MAGI3: variants seen among roughly 807,000 people sequenced by gnomAD.
MAGI3 encodes membrane associated guanylate kinase, WW and PDZ domain containing 3.
MAGI3 carries 43 observed loss-of-function variants against 121.8 expected under a neutral mutation model. The ratio of observed to expected loss-of-function variants is 0.35; its 90% CI spans 0.28 to 0.46. The LOEUF is 0.46. Ranked by LOEUF, MAGI3 falls within the 20% of genes least tolerant of loss-of-function variation. The probability of loss-of-function intolerance (pLI) is 1.00; values close to 1 mark genes in which losing one functional copy is unlikely to be tolerated. For synonymous variants in MAGI3, 553 were observed against 639.3 expected, an observed-to-expected ratio of 0.86 and a Z score of 2.04; for missense variants, 1,547 against 1,797.3, an observed-to-expected ratio of 0.86 and a Z score of 2.52.
chr1:113,615,088 G>A (rs1365209157), intron 7 of MAGI3, among the ~76,000 whole-genome samples: 1 of 152,244 alleles, frequency 6.6e-6, no homozygotes, highest in Non-Finnish European at 1.5e-5. Context: ...ACACCTAAAG[G>A]TGTGCTCTCT....
At chr1:113,676,328 G>C (rs977098055) in intron 19 of MAGI3, among the ~76,000 whole-genome samples, 1 of 152,138 alleles carries the variant, frequency 6.6e-6, no homozygotes, top group Non-Finnish European at 1.5e-5. Flanking sequence ...CTACTTGGGA[G>C]GCTGAGGTGG....
chr1:113,680,023 C>G (rs1326898655), intron 19 of MAGI3, among the ~76,000 whole-genome samples: 2 of 152,156 alleles, frequency 1.3e-5, no homozygotes, highest in Non-Finnish European at 2.9e-5. Context: ...TGATTTTACA[C>G]TAACATCACT....
chr1:113,397,598 A>G (rs996220176), intron 1 of MAGI3, among the ~76,000 whole-genome samples: 2 of 152,238 alleles, frequency 1.3e-5, no homozygotes, highest in Non-Finnish European at 2.9e-5. Context: ...ATTATTTTGT[A>G]CAAGGGCACA....
chr1:113,631,575 A>G (rs1283213939), intron 9 of MAGI3, among the ~76,000 whole-genome samples: 1 of 152,208 alleles, frequency 6.6e-6, no homozygotes, highest in African/African-American at 2.4e-5. Flanking sequence ...AAGATTTATT[A>G]ATCATCTCAG....
intron 1 of MAGI3, among the ~76,000 whole-genome samples, chr1:113,515,368 G>A (rs534897773): frequency 2.0e-5 from 3 of 152,038 alleles, no homozygotes; most frequent in African/African-American, 7.2e-5. Flanking sequence ...ATGAAGACTA[G>A]GAAATGAATT....
chr1:113,557,692 C>CCAACA (rs1202739565), intron 2 of MAGI3, among the ~76,000 whole-genome samples: 2 of 152,166 alleles, frequency 1.3e-5, no homozygotes, highest in Admixed American at 6.5e-5. Context: ...GAAGGGATCC[C>CCAACA]CAACACAACA....
chr1:113,486,358 A>G (rs996737805), intron 1 of MAGI3, among the ~76,000 whole-genome samples: 2 of 151,946 alleles, frequency 1.3e-5, no homozygotes, highest in African/African-American at 4.8e-5. Flanking sequence ...ATGTGTTTCC[A>G]TTTGTTTTTG....
chr1:113,634,079 G>A (rs1208534066), intron 9 of MAGI3, among the ~76,000 whole-genome samples: 4 of 151,900 alleles, frequency 2.6e-5, no homozygotes, highest in Non-Finnish European at 4.4e-5. Flanking sequence ...TTTTTGATGG[G>A]GTTGTTTGTT....
At chr1:113,451,751 G>A (rs1570695816) in intron 1 of MAGI3, among the ~76,000 whole-genome samples, 6 of 152,214 alleles carry the variant, frequency 3.9e-5, no homozygotes, top group Admixed American at 3.9e-4. Context: ...CTGTGCAGTG[G>A]TTTTTATTCT....
chr1:113,627,857 T>G (rs1651337624), intron 9 of MAGI3, among the ~76,000 whole-genome samples: 1 of 152,036 alleles, frequency 6.6e-6, no homozygotes. Flanking sequence ...TTTTTGGTTT[T>G]CACTGGCATG....
chr1:113,465,854 T>C (rs1655256698), intron 1 of MAGI3, among the ~76,000 whole-genome samples: 1 of 152,160 alleles, frequency 6.6e-6, no homozygotes, highest in South Asian at 2.1e-4. Flanking sequence ...GTTTGTATTT[T>C]GCAATTTTAC....
chr1:113,416,332 ATCAATCATAT>A (rs1419053697), intron 1 of MAGI3, among the ~76,000 whole-genome samples: 69 of 95,158 alleles, frequency 7.3e-4, no homozygotes, highest in Admixed American at 1.4e-3. Flanking sequence ...TTAATTATAT[ATCAATCATAT>A]ATTAATTATA....
intron 1 of MAGI3, among the ~76,000 whole-genome samples, chr1:113,524,526 T>G (rs545699796): frequency 1.3e-5 from 2 of 152,124 alleles, no homozygotes; most frequent in South Asian, 4.2e-4. Context: ...TTTTGGAGCT[T>G]TAAGATTTGA....
intron 4 of MAGI3, among the ~76,000 whole-genome samples, chr1:113,587,929 CATTT>C (rs1434455228): frequency 2.0e-5 from 3 of 152,070 alleles, no homozygotes; most frequent in Non-Finnish European, 4.4e-5. Context: ...GTGTTTGATT[CATTT>C]ATTTATTCAA....
At chr1:113,629,237 G>A (rs754227388) in intron 9 of MAGI3, among the ~76,000 whole-genome samples, 6 of 151,988 alleles carry the variant, frequency 3.9e-5, no homozygotes, top group Non-Finnish European at 8.8e-5. Context: ...CATGTCAGTT[G>A]TATTTTTCAA....
intron 20 of MAGI3, chr1:113,682,127 ATG>A: frequency 6.9e-7 from 1 of 1,443,334 alleles, no homozygotes; most frequent in South Asian, 1.3e-5. Context: ...TGTAAATCAT[ATG>A]TTCCCAGTGA....
chr1:113,624,109 G>A (rs780108789), intron 9 of MAGI3, among the ~76,000 whole-genome samples: 33 of 152,140 alleles, frequency 2.2e-4, no homozygotes, highest in Admixed American at 1.2e-3. Context: ...ATTATCTGTC[G>A]ATGGACATTT....
intron 6 of MAGI3, among the ~76,000 whole-genome samples, chr1:113,595,961 G>T (rs770804289): frequency 2.0e-5 from 3 of 152,082 alleles, no homozygotes; most frequent in Non-Finnish European, 4.4e-5. Context: ...AGTCCAGGAG[G>T]TTGAGGCTGC....
At chr1:113,560,435 AAAG>A (rs1344857346) in intron 2 of MAGI3, among the ~76,000 whole-genome samples, 9 of 152,000 alleles carry the variant, frequency 5.9e-5, no homozygotes, top group Non-Finnish European at 8.8e-5. Flanking sequence ...TAAAACAAAA[AAAG>A]AAAAAAGGAA....
Sources: allele counts gnomAD v4.1 joint callset (sites outside exome capture counted in the v4.1 genomes callset), GRCh38; gene constraint gnomAD v4.1.1; transcripts MANE v1.5; gene names NCBI Gene and HGNC (gene_info 2026-07-23, HGNC 2026-07-21).